SMARCC1: variants seen among roughly 807,000 people sequenced by gnomAD.
The protein encoded by SMARCC1 is SWI/SNF related BAF chromatin remodeling complex subunit C1, also known as SWI/SNF complex subunit SMARCC1.
SMARCC1 carries 43 observed loss-of-function variants against 147.4 expected under a neutral mutation model. The observed-to-expected ratio is 0.29, with a 90% CI of 0.23 to 0.38. The LOEUF (loss-of-function observed/expected upper bound fraction) is 0.38. Among genes scored for constraint, SMARCC1 ranks in the 10% least tolerant of loss-of-function variants. The probability of loss-of-function intolerance (pLI) is 1.00; values close to 1 mark genes in which losing one functional copy is unlikely to be tolerated. For synonymous variants in SMARCC1, 495 were observed against 484.4 expected, an observed-to-expected ratio of 1.02 and a Z score of -0.29; for missense variants, 1,119 against 1,381.1, an observed-to-expected ratio of 0.81 and a Z score of 3.01.
At chr3:47,735,447 G>A (rs2106828463) in intron 5 of SMARCC1, among the ~76,000 whole-genome samples, 1 of 152,230 alleles carries the variant, frequency 6.6e-6, no homozygotes, top group Admixed American at 6.5e-5. Context: ...TTGAAGCCAG[G>A]AATTCAAGAC....
chr3:47,702,599 A>C (rs1043454417), intron 10 of SMARCC1, among the ~76,000 whole-genome samples: 1 of 152,126 alleles, frequency 6.6e-6, no homozygotes, highest in African/African-American at 2.4e-5. Flanking sequence ...CTACCAAAAA[A>C]CAAAAAATTT....
chr3:47,709,161 T>A (rs546731379), intron 9 of SMARCC1, among the ~76,000 whole-genome samples: 1 of 151,654 alleles, frequency 6.6e-6, no homozygotes, highest in Non-Finnish European at 1.5e-5. Context: ...CTTGGGAAGC[T>A]GAGGCAGGAG....
intron 2 of SMARCC1, among the ~76,000 whole-genome samples, chr3:47,760,069 T>C (rs1053107268): frequency 1.3e-5 from 2 of 152,042 alleles, no homozygotes; most frequent in African/African-American, 4.8e-5. Flanking sequence ...ATCCCACCAC[T>C]CTGGGAGGCC....
intron 19 of SMARCC1, among the ~76,000 whole-genome samples, chr3:47,667,160 A>C (rs1457103010): frequency 6.6e-6 from 1 of 152,008 alleles, no homozygotes; most frequent in Non-Finnish European, 1.5e-5. Flanking sequence ...TACTAAAAAC[A>C]CAAAAAAATT....
chr3:47,692,843 C>A (rs568980234), intron 12 of SMARCC1, among the ~76,000 whole-genome samples: 2 of 152,174 alleles, frequency 1.3e-5, no homozygotes, highest in African/African-American at 4.8e-5. Context: ...CATGGTGAAA[C>A]CCCGTCTCTA....
chr3:47,749,428 A>G (rs1314714234), intron 2 of SMARCC1, among the ~76,000 whole-genome samples: 1 of 152,104 alleles, frequency 6.6e-6, no homozygotes, highest in African/African-American at 2.4e-5. Flanking sequence ...TGGGAGGCCA[A>G]CGAGGCAGGA....
At chr3:47,646,752 T>C (rs751518138) in intron 21 of SMARCC1, among the ~76,000 whole-genome samples, 17 of 152,234 alleles carry the variant, frequency 1.1e-4, no homozygotes, top group Non-Finnish European at 1.8e-4. Context: ...ATGCTACTTC[T>C]ATTTTCTGAT....
chr3:47,635,374 C>G, intron 23 of SMARCC1, 30 bp from the exon 24 acceptor site: 1 of 1,601,370 alleles, frequency 6.2e-7, no homozygotes, highest in Non-Finnish European at 8.5e-7. Flanking sequence ...TTGTTACTAG[C>G]GTGCCCACTC....
intron 2 of SMARCC1, among the ~76,000 whole-genome samples, chr3:47,754,631 A>G (rs2034666633): frequency 6.6e-6 from 1 of 152,200 alleles, no homozygotes; most frequent in South Asian, 2.1e-4. Flanking sequence ...AGTAACACGC[A>G]TTATTTTAAA....
intron 24 of SMARCC1, among the ~76,000 whole-genome samples, chr3:47,633,381 G>C (rs145372924): frequency 2.3e-4 from 35 of 152,102 alleles, no homozygotes; most frequent in African/African-American, 8.4e-4. Context: ...AAAATGAGCC[G>C]AGGTTGCAGG....
intron 11 of SMARCC1, among the ~76,000 whole-genome samples, chr3:47,697,800 G>A (rs1435739480): frequency 6.6e-6 from 1 of 151,274 alleles, no homozygotes; most frequent in Non-Finnish European, 1.5e-5. Context: ...GAGGTCAGGA[G>A]ATCGAGACCA....
rs138687501 is a variant in SMARCC1, at chr3:47,745,772, T to C, written c.401+136A>G. 28 of 512,946 alleles carry C rather than the reference T, an allele frequency of 5.5e-5. No homozygotes were observed. The Admixed American group carries it at 7.5e-4, about 14-fold the overall frequency. The allele number at this position is 512,946 out of a possible 1,614,324, so 31.8% of individuals were successfully genotyped here. ...GGTTGCTTGATATTTTTCTTGGATG[T>C]AGAAACAAGGTAAATTAGGGCTCTT... On this transcript the variant is annotated intron_variant, in intron 3 of 27. Coordinates refer to ENST00000254480, the MANE Select transcript of SMARCC1 (RefSeq NM_003074.4).
chr3:47,663,767 G>T (rs1434125969), intron 19 of SMARCC1: 14 of 1,553,436 alleles, frequency 9.0e-6, no homozygotes, highest in African/African-American at 1.4e-5. Flanking sequence ...GGTACCCATA[G>T]GTTGCCTGGC....
chr3:47,682,469 G>A (rs928784096), intron 14 of SMARCC1, among the ~76,000 whole-genome samples: 3 of 152,022 alleles, frequency 2.0e-5, no homozygotes, highest in Non-Finnish European at 4.4e-5. Flanking sequence ...TTGTAGAGAC[G>A]GGTATCACTA....
At chr3:47,775,070 T>C (rs1471102713) in intron 1 of SMARCC1, among the ~76,000 whole-genome samples, 2 of 152,082 alleles carry the variant, frequency 1.3e-5, no homozygotes, top group African/African-American at 4.8e-5. Flanking sequence ...TCCCAAAAAG[T>C]ACTGGGATTA....
intron 26 of SMARCC1, among the ~76,000 whole-genome samples, chr3:47,605,042 A>AT (rs1417512212): frequency 6.6e-6 from 1 of 152,130 alleles, no homozygotes; most frequent in Admixed American, 6.6e-5. Context: ...AACAGACTTG[A>AT]TTTTATATTC....
intron 22 of SMARCC1, among the ~76,000 whole-genome samples, chr3:47,637,779 C>T (rs2032991482): frequency 6.6e-6 from 1 of 151,856 alleles, no homozygotes; most frequent in Admixed American, 6.6e-5. Flanking sequence ...CCTCACCCAT[C>T]ATGCATTTAC....
Position 47,661,312 on chromosome 3 carries a change from C to T in SMARCC1, c.2302G>A (p.Asp768Asn), listed in dbSNP as rs759661201. The T allele has an allele frequency of 2.0e-5, 32 of 1,611,600 alleles. No individual in the cohort carries two copies. Among genetic ancestry groups the T allele is most frequent in the East Asian group, 4.5e-5 (2 of 44,878 alleles). Residue 768 changes from aspartate (D) to asparagine (N), a missense_variant, in exon 21 of 28, where the codon GAT becomes AAT. Asp to Asn is a conservative substitution (Grantham distance 23). This residue lies in a region of SMARCC1 where 157 missense variants were observed against 158.6 expected (regional missense o/e 0.99). Coordinates refer to ENST00000254480, the MANE Select transcript of SMARCC1 (RefSeq NM_003074.4). The stretch of plus-strand genomic sequence containing the variant: ...GACTCACCAAGCTTCTCTGGCTCAT[C>T]GGGCCCTGTGCCTGCAATGCAGCTG... ...ESSCIAGTGP[D>N]EPEKLEGAEE...
chr3:47,664,962 G>C (rs945168649), intron 19 of SMARCC1, among the ~76,000 whole-genome samples: 3 of 151,942 alleles, frequency 2.0e-5, no homozygotes, highest in African/African-American at 7.2e-5. Flanking sequence ...TTGTCTCCAT[G>C]TTTACTTTTT....
Sources: allele counts gnomAD v4.1 joint callset (sites outside exome capture counted in the v4.1 genomes callset), GRCh38; gene constraint gnomAD v4.1.1; regional missense constraint gnomAD v4.1.1; transcripts MANE v1.5; gene names NCBI Gene and HGNC (gene_info 2026-07-23, HGNC 2026-07-21).